MAGI1: variants seen among roughly 807,000 people sequenced by gnomAD.
MAGI1 encodes membrane associated guanylate kinase, WW and PDZ domain containing 1.
Under a neutral mutation model 139.9 loss-of-function variants are expected in MAGI1, and 58 were observed. The ratio of observed to expected loss-of-function variants is 0.41; its 90% CI spans 0.34 to 0.52. The LOEUF (loss-of-function observed/expected upper bound fraction) is 0.52. Among genes scored for constraint, MAGI1 ranks in the 20% least tolerant of loss-of-function variants. The pLI is 0.12. For synonymous variants in MAGI1, 812 were observed against 737.9 expected, an observed-to-expected ratio of 1.10 and a Z score of -1.63; for missense variants, 1,874 against 1,901.6, an observed-to-expected ratio of 0.99 and a Z score of 0.27.
intron 1 of MAGI1, among the ~76,000 whole-genome samples, chr3:66,004,835 G>A (rs901151836): frequency 1.3e-5 from 2 of 152,188 alleles, no homozygotes; most frequent in Admixed American, 6.5e-5. Context: ...GATCACAGGA[G>A]AGAGCTAGAA....
intron 2 of MAGI1, chr3:65,549,473 T>C (rs1383289274): frequency 1.0e-6 from 1 of 984,248 alleles, no homozygotes; most frequent in Non-Finnish European, 1.2e-6. Context: ...GCGCGCTCGG[T>C]GGCCGCCCGC....
In MAGI1 at chr3:65,355,917, C is replaced by G. The variant is rs1940173317; in HGVS notation, c.*461G>C. 6.5e-6 allele frequency: 1 copy of G among 153,028 alleles called. No homozygotes were observed. Among genetic ancestry groups the G allele is most frequent in the African/African-American group, 2.4e-5 (1 of 41,414 alleles). 9.5% of individuals were successfully genotyped at this position (153,028 alleles called of 1,614,324 possible). A position where few individuals can be genotyped will look rare whatever the true frequency, so the allele number is the denominator to read the frequency against. ...TAAAACTTTGCATTTTTGCTCTTTGCTTTTAAGAAAAACTTCCGACTACAG... is the reference window on the plus strand; with the variant it reads ...TAAAACTTTGCATTTTTGCTCTTTGGTTTTAAGAAAAACTTCCGACTACAG... On this transcript the variant is annotated 3_prime_UTR_variant, in exon 23 of 23. Transcript: ENST00000402939.
At chr3:65,408,517 A>C (rs1274622867) in intron 12 of MAGI1, among the ~76,000 whole-genome samples, 1 of 152,178 alleles carries the variant, frequency 6.6e-6, no homozygotes, top group Non-Finnish European at 1.5e-5. Context: ...CAGGAAAGAC[A>C]AATTGAGAAC....
At chr3:65,826,487 A>T (rs2042237294) in intron 1 of MAGI1, among the ~76,000 whole-genome samples, 1 of 152,220 alleles carries the variant, frequency 6.6e-6, no homozygotes, top group African/African-American at 2.4e-5. Flanking sequence ...CTCTGGGCTA[A>T]TTAAGTATGG....
At chr3:65,454,521 G>A (rs904787573) in intron 5 of MAGI1, among the ~76,000 whole-genome samples, 62 of 45,228 alleles carry the variant, frequency 1.4e-3, no homozygotes, top group Non-Finnish European at 2.0e-3. Context: ...CCCTAAAACT[G>A]AAAGTATAAT....
chr3:65,825,721 G>A (rs568526037), intron 1 of MAGI1, among the ~76,000 whole-genome samples: 44 of 152,318 alleles, frequency 2.9e-4, no homozygotes, highest in African/African-American at 1.0e-3. Context: ...CAGGCGCAGT[G>A]GCTCATGCCT....
At chr3:65,491,108 G>A (rs1951999834) in intron 3 of MAGI1, among the ~76,000 whole-genome samples, 1 of 152,168 alleles carries the variant, frequency 6.6e-6, no homozygotes. Context: ...AAGTACTAAT[G>A]GGTTATTTTC....
chr3:65,461,934 T>A (rs983207647), intron 5 of MAGI1, among the ~76,000 whole-genome samples: 15 of 152,338 alleles, frequency 9.8e-5, no homozygotes, highest in African/African-American at 3.4e-4. Flanking sequence ...TTTTGAAAAG[T>A]GTCTGTTCAT....
chr3:65,500,713 A>G (rs1524976), intron 2 of MAGI1, among the ~76,000 whole-genome samples: 131,235 of 152,232 alleles, frequency 0.86, 56,658 homozygotes, highest in East Asian at 0.97. Context: ...ATCTCACTCA[A>G]CAACTGTCCA....
chr3:65,863,232 C>G (rs568361915), intron 1 of MAGI1, among the ~76,000 whole-genome samples: 171 of 152,312 alleles, frequency 1.1e-3, no homozygotes, highest in African/African-American at 3.6e-3. Context: ...GTTACCATGT[C>G]TTCTGGCTAC....
chr3:65,441,306 C>G (rs1031729544), intron 8 of MAGI1, among the ~76,000 whole-genome samples: 1 of 152,044 alleles, frequency 6.6e-6, no homozygotes, highest in Non-Finnish European at 1.5e-5. Context: ...AATTTAGGAG[C>G]ATAGTATTGT....
At chr3:66,017,678 C>T (rs983716976) in intron 1 of MAGI1, among the ~76,000 whole-genome samples, 9 of 152,284 alleles carry the variant, frequency 5.9e-5, no homozygotes, top group African/African-American at 1.9e-4. Context: ...GGATGGTGCA[C>T]GTGTGGCCCT....
chr3:65,453,263 T>A lies in MAGI1; in HGVS notation c.1037A>T (p.Asp346Val). 6.2e-7 allele frequency: 1 copy of A among 1,613,624 alleles called. No individual in the cohort carries two copies. The highest frequency in any genetic ancestry group is 8.5e-7 in the Non-Finnish European group (1 of 1,179,886). ...KQQKPLEECE[D>V]DEGVHTEELD... ...AGACCTGCCTGGCCCCTTACCATCATCTTCACACTCTTCCAGTGGCTTCTG... is the reference window on the plus strand; with the variant it reads ...AGACCTGCCTGGCCCCTTACCATCAACTTCACACTCTTCCAGTGGCTTCTG... The change falls in exon 6 of 23, where the codon GAT becomes GTT. Residue 346 changes from aspartate (D) to valine (V), a missense_variant. Asp to Val is a radical substitution (Grantham distance 152, BLOSUM62 -3). Coordinates refer to ENST00000402939, the MANE Select transcript of MAGI1 (RefSeq NM_001033057.2).
At chr3:65,568,066 G>A (rs898207076) in intron 2 of MAGI1, among the ~76,000 whole-genome samples, 2 of 152,064 alleles carry the variant, frequency 1.3e-5, no homozygotes, top group African/African-American at 4.8e-5. Flanking sequence ...CAGTCCTAAG[G>A]GAATCTATTT....
chr3:65,580,265 G>A (rs1019289905), intron 2 of MAGI1, among the ~76,000 whole-genome samples: 4 of 151,992 alleles, frequency 2.6e-5, no homozygotes, highest in Admixed American at 6.6e-5. Context: ...AATTTGAGAT[G>A]AGACTATATA....
chr3:65,621,256 G>A (rs1313972532), intron 2 of MAGI1, among the ~76,000 whole-genome samples: 1 of 152,184 alleles, frequency 6.6e-6, no homozygotes, highest in Admixed American at 6.5e-5. Context: ...AACACAGTGT[G>A]CCACAGTACA....
chr3:65,585,570 A>T (rs1433037840), intron 2 of MAGI1, among the ~76,000 whole-genome samples: 1 of 152,204 alleles, frequency 6.6e-6, no homozygotes, highest in East Asian at 1.9e-4. Context: ...TTGCTGATGA[A>T]AATGAAAAAT....
At chr3:65,918,857 C>CA (rs2062033872) in intron 1 of MAGI1, among the ~76,000 whole-genome samples, 1 of 151,444 alleles carries the variant, frequency 6.6e-6, no homozygotes, top group Admixed American at 6.6e-5. Flanking sequence ...AGAATGCTTA[C>CA]AAAAAGTTAA....
intron 12 of MAGI1, among the ~76,000 whole-genome samples, chr3:65,416,587 G>C (rs1191602225): frequency 6.6e-6 from 1 of 152,078 alleles, no homozygotes; most frequent in African/African-American, 2.4e-5. Context: ...AAAGTTTGTT[G>C]AATGAATGAA....
Sources: allele counts gnomAD v4.1 joint callset (sites outside exome capture counted in the v4.1 genomes callset), GRCh38; gene constraint gnomAD v4.1.1; transcripts MANE v1.5; gene names NCBI Gene and HGNC (gene_info 2026-07-23, HGNC 2026-07-21).